The following RAD9B variants were observed in gnomAD, a reference collection of about 807,000 sequenced individuals.
The protein encoded by RAD9B is cell cycle checkpoint control protein RAD9B.
In RAD9B, 41 loss-of-function variants were observed where a neutral mutation model predicts 48.3. That is an observed-to-expected ratio of 0.85 (90% CI 0.66 to 1.10). The LOEUF is 1.10. Ranked by LOEUF, RAD9B falls within the 50% of genes least tolerant of loss-of-function variation. RAD9B has a pLI of 0.00. For missense variants in RAD9B, 444 were observed against 485.1 expected (o/e 0.92, Z 0.80); for synonymous variants, 160 against 157.9 (o/e 1.01, Z -0.10).
At position 110,531,207 on chromosome 12, in the gene RAD9B, T is replaced by G. The variant is rs2064126982; in HGVS notation, c.*554T>G. ...AATATATAGTCACTTTCACTTGGCT[T>G]TTTTAGACGGAGTCTCACTTTGTCA... is the stretch of plus-strand genomic sequence containing the variant. On this transcript the variant is annotated 3_prime_UTR_variant, in exon 11 of 11. Transcript: ENST00000409300. 1.1e-6 allele frequency: 1 copy of G among 941,122 alleles called. No individual in the cohort carries two copies. Among genetic ancestry groups the G allele is most frequent in the Non-Finnish European group, 1.3e-6 (1 of 779,616 alleles). The allele number at this position is 941,122 out of a possible 1,614,324, so 58.3% of individuals were successfully genotyped here. A position where few individuals can be genotyped will look rare whatever the true frequency, so the allele number is the denominator to read the frequency against.
rs2064115035 is a variant in RAD9B at position 110,530,715 on chromosome 12, G to A, written c.*62G>A. On this transcript the variant is annotated 3_prime_UTR_variant, in exon 11 of 11. Transcript: ENST00000409300. ...ACTGGCTCATTTGCCCCTCAAGCAC[G>A]AGTTTGCATGTTTAGTGTCTAAAAG... is the stretch of plus-strand genomic sequence containing the variant. 1 of 1,604,338 alleles carries A rather than the reference G, an allele frequency of 6.2e-7. No homozygotes were observed. Among genetic ancestry groups the A allele is most frequent in the Non-Finnish European group, 8.5e-7 (1 of 1,175,324 alleles).
intron 2 of RAD9B, among the ~76,000 whole-genome samples, chr12:110,505,195 A>G (rs1036061489): frequency 3.9e-5 from 6 of 152,036 alleles, no homozygotes; most frequent in Non-Finnish European, 8.8e-5. Context: ...GTATATATAT[A>G]GGTGTATAAT....
In RAD9B at chr12:110,512,855, T is replaced by C; in HGVS notation, c.465T>C (p.Thr155=). The change falls in exon 5 of 11, where the codon ACT becomes ACC. Residue 155 remains threonine, a synonymous_variant. Transcript: ENST00000409300. ...TTATTTTTGACAAGAATGTTTGTAC[T>C]AATACGCTAATGATTCAACCAAGGT... ...LQVIFDKNVC[T]NTLMIQPRLL... The C allele has an allele frequency of 6.5e-7, 1 of 1,543,616 alleles. No individual in the cohort carries two copies. Among genetic ancestry groups the C allele is most frequent in the South Asian group, 1.2e-5 (1 of 86,706 alleles).
intron 6 of RAD9B, among the ~76,000 whole-genome samples, chr12:110,517,484 C>T (rs569845863): frequency 2.6e-5 from 4 of 151,852 alleles, no homozygotes; most frequent in South Asian, 2.1e-4. Context: ...ATTAGCTGGA[C>T]GTGGTGGTGT....
chr12:110,511,588 G>A (rs1352541443), intron 4 of RAD9B: 1 of 360,306 alleles, frequency 2.8e-6, no homozygotes, highest in Non-Finnish European at 5.8e-6. Context: ...GTGTGGGTGA[G>A]TATGAAGAGA....
intron 8 of RAD9B, among the ~76,000 whole-genome samples, 168 bp downstream of exon 8, chr12:110,519,106 TTC>T (rs2063696193): frequency 1.3e-5 from 2 of 152,224 alleles, no homozygotes; most frequent in South Asian, 4.1e-4. Context: ...ATTTAAAATT[TTC>T]TTTTTTCTTT....
rs1366731011 is a variant in RAD9B at position 110,522,198 on chromosome 12, G to A, written c.912G>A (p.Lys304=). Residue 304 remains lysine, a synonymous_variant, in exon 10 of 11, where the codon AAG becomes AAA. Coordinates refer to ENST00000409300, the MANE Select transcript of RAD9B (RefSeq NM_001286535.2). Reference sequence around the variant, plus strand: ...TCAGGTCAGATCTGATTGAAAAAAAGGCTGGCAAAAATGTAACTGGCCAGG... The same window carrying A: ...TCAGGTCAGATCTGATTGAAAAAAAAGCTGGCAAAAATGTAACTGGCCAGG... ...KRKRSDLIEK[K]AGKNVTGQAL... The A allele has an allele frequency of 6.3e-7, 1 of 1,590,410 alleles. No individual in the cohort carries two copies. Among genetic ancestry groups the A allele is most frequent in the Non-Finnish European group, 8.6e-7 (1 of 1,168,440 alleles).
chr12:110,505,543 A>G (rs998814416), intron 2 of RAD9B, 74 bp from the exon 3 acceptor site: 2 of 1,329,904 alleles, frequency 1.5e-6, no homozygotes, highest in Admixed American at 6.0e-5. Context: ...GGCTTCCCAA[A>G]GTGCTTGGAT....
chr12:110,507,596 ATAT>A lies in RAD9B; in HGVS notation c.388+907_388+909del, dbSNP rs955278484. On this transcript the variant is annotated intron_variant, in intron 4 of 10. Transcript: ENST00000409300. ...TATATGTATAATATATACATAATAC[ATAT>A]TATGTATACATATATACATAATATT... Among the ~76,000 whole-genome samples, 9 of 146,110 alleles carry A rather than the reference ATAT, an allele frequency of 6.2e-5. 1 individual carries two copies. In the South Asian group the frequency reaches 1.1e-3, roughly 17 times the overall value.
chr12:110,505,457 A>G (rs908753890), intron 2 of RAD9B, among the ~76,000 whole-genome samples, 160 bp from the exon 3 acceptor site: 2 of 152,128 alleles, frequency 1.3e-5, no homozygotes, highest in African/African-American at 4.8e-5. Flanking sequence ...TTTTAAAATA[A>G]AAAAATAGAG....
chr12:110,516,770 G>A (rs1214211587), intron 6 of RAD9B, among the ~76,000 whole-genome samples: 1 of 151,872 alleles, frequency 6.6e-6, no homozygotes, highest in African/African-American at 2.4e-5. Flanking sequence ...CCAAGATCAC[G>A]CCACGGCACT....
Position 110,531,336 on chromosome 12 carries a change from G to A in RAD9B, c.*683G>A, listed in dbSNP as rs995016549. 2.5e-6 allele frequency: 1 copy of A among 403,664 alleles called. No homozygotes were observed. The highest frequency in any genetic ancestry group is 4.2e-6 in the Non-Finnish European group (1 of 236,538). 25.0% of individuals were successfully genotyped at this position (403,664 alleles called of 1,614,324 possible). ...GCCTCCCGTGCAGCTGGGATTGCAGGTGCGTGCCACCATGCCTGGCTAATT... is the reference window on the plus strand; with the variant it reads ...GCCTCCCGTGCAGCTGGGATTGCAGATGCGTGCCACCATGCCTGGCTAATT... On this transcript the variant is annotated 3_prime_UTR_variant, in exon 11 of 11. Transcript: ENST00000409300.
At position 110,518,836 on chromosome 12, in the gene RAD9B, T is replaced by C. The variant is rs77028258; in HGVS notation, c.703-38T>C. 254 of 1,572,152 alleles carry C rather than the reference T, an allele frequency of 1.6e-4. No individual in the cohort carries two copies. The African/African-American group carries it at 3.1e-3, about 19-fold the overall frequency. ...TTCAAATTTTCACTGTAAGTTTTTA[T>C]AAGGATTTTAAGTTTTTTTCTTCTT... is the stretch of plus-strand genomic sequence containing the variant. On this transcript the variant is annotated intron_variant, in intron 7 of 10. Coordinates refer to ENST00000409300, the MANE Select transcript of RAD9B (RefSeq NM_001286535.2).
chr12:110,504,147 T>C (rs1317686111), intron 2 of RAD9B, among the ~76,000 whole-genome samples: 1 of 151,996 alleles, frequency 6.6e-6, no homozygotes, highest in Non-Finnish European at 1.5e-5. Flanking sequence ...TGTTTTTTTT[T>C]TTTTTTAATT....
At chr12:110,519,183 A>C (rs2063697932) in intron 8 of RAD9B, among the ~76,000 whole-genome samples, 1 of 152,084 alleles carries the variant, frequency 6.6e-6, no homozygotes, top group Admixed American at 6.6e-5. Flanking sequence ...GGCTTACTGC[A>C]GGCTCTGCCT....
At chr12:110,514,100 A>T (rs933677466) in intron 5 of RAD9B, among the ~76,000 whole-genome samples, 1 of 151,038 alleles carries the variant, frequency 6.6e-6, no homozygotes, top group Non-Finnish European at 1.5e-5. Flanking sequence ...TTGCCCATTC[A>T]TGTTGTCATT....
chr12:110,502,868 G>A (rs754382864), intron 1 of RAD9B: 22 of 158,084 alleles, frequency 1.4e-4, no homozygotes, highest in Non-Finnish European at 2.9e-4. Flanking sequence ...TTTGTTTGGA[G>A]GCAATGAAAT....
chr12:110,506,850 T>G (rs980049090), intron 4 of RAD9B, among the ~76,000 whole-genome samples, 157 bp downstream of exon 4: 1 of 152,012 alleles, frequency 6.6e-6, no homozygotes, highest in Non-Finnish European at 1.5e-5. Flanking sequence ...ATCCTTTTTT[T>G]TTTTTTTGAG....
chr12:110,512,906 T>C, intron 5 of RAD9B, 28 bp downstream of exon 5: 1 of 1,073,002 alleles, frequency 9.3e-7, no homozygotes, highest in Non-Finnish European at 1.4e-6. Flanking sequence ...GTCAGTTTTT[T>C]TCACCTGAAT....
Sources: allele counts gnomAD v4.1 joint callset (sites outside exome capture counted in the v4.1 genomes callset), GRCh38; gene constraint gnomAD v4.1.1; transcripts MANE v1.5; gene names NCBI Gene and HGNC (gene_info 2026-07-23, HGNC 2026-07-21).